The following TMBIM6 variants were observed in gnomAD, a reference collection of about 807,000 sequenced individuals.
TMBIM6 encodes bax inhibitor 1.
A neutral mutation model predicts 31.4 loss-of-function variants in TMBIM6; 13 were observed. The ratio of observed to expected loss-of-function variants is 0.41; its 90% CI spans 0.27 to 0.66. The LOEUF (loss-of-function observed/expected upper bound fraction) is 0.66, where lower values mean the gene tolerates loss of function less well. Ranked by LOEUF, TMBIM6 falls within the 30% of genes least tolerant of loss-of-function variation. The pLI, the probability that TMBIM6 is intolerant of heterozygous loss-of-function variation, is 0.28. For missense variants in TMBIM6, 275 were observed against 289.5 expected, an observed-to-expected ratio of 0.95 and a Z score of 0.36; for synonymous variants, 85 against 101.7, an observed-to-expected ratio of 0.84 and a Z score of 0.99.
chr12:49,759,211 C>G lies in TMBIM6; in HGVS notation c.514-10C>G. The G allele has an allele frequency of 6.2e-7, 1 of 1,612,112 alleles. No individual in the cohort carries two copies. Among genetic ancestry groups the G allele is most frequent in the East Asian group, 2.2e-5 (1 of 44,876 alleles). ...TGCTGTATAGTAACTTCATCTCTTA[C>G]ATTTGTTAGGCAAACCTGTATGTGG... On this transcript the variant is annotated splice_polypyrimidine_tract_variant and intron_variant, in intron 7 of 9. Transcript: ENST00000267115.
At chr12:49,743,874 A>G (rs1422727227) in intron 1 of TMBIM6, among the ~76,000 whole-genome samples, 1 of 149,602 alleles carries the variant, frequency 6.7e-6, no homozygotes, top group Non-Finnish European at 1.5e-5. Context: ...GGTCAAATCA[A>G]TACTAATGTT....
At chr12:49,759,922 C>A (rs1312583522) in intron 8 of TMBIM6, among the ~76,000 whole-genome samples, 1 of 151,606 alleles carries the variant, frequency 6.6e-6, no homozygotes, top group Non-Finnish European at 1.5e-5. Context: ...ACCATCCTGG[C>A]TAACACGGTG....
chr12:49,743,156 A>G (rs533158470), intron 1 of TMBIM6, among the ~76,000 whole-genome samples: 57 of 151,270 alleles, frequency 3.8e-4, no homozygotes, highest in African/African-American at 1.3e-3. Context: ...TAATTTTTGT[A>G]TTTTTTGTGG....
rs1305122744 is a variant in TMBIM6, at chr12:49,753,008, A to G, written c.92A>G (p.Tyr31Cys). The change falls in exon 3 of 10, where the codon TAT becomes TGT. Residue 31 changes from tyrosine to cysteine, a missense_variant. By Grantham distance (194) the Tyr-to-Cys change is radical (BLOSUM62 -2). Coordinates refer to ENST00000267115, the MANE Select transcript of TMBIM6 (RefSeq NM_003217.3). Reference protein sequence around the residue: ...PSTQQHLKKVYASFALCMFVA... With the variant: ...PSTQQHLKKVCASFALCMFVA... ...ACGCAGCAGCACCTGAAGAAGGTCT[A>G]TGCAAGTTTTGCCCTTTGTATGTTT... The G allele has an allele frequency of 1.2e-6, 2 of 1,614,110 alleles. No individual in the cohort carries two copies. Among genetic ancestry groups the G allele is most frequent in the South Asian group, 1.1e-5 (1 of 91,078 alleles).
chr12:49,746,026 G>T (rs1266964140), intron 1 of TMBIM6, among the ~76,000 whole-genome samples: 5 of 151,308 alleles, frequency 3.3e-5, no homozygotes, highest in African/African-American at 4.9e-5. Flanking sequence ...ACTTTTACCA[G>T]TAATGAGATT....
rs558485261 is a variant in TMBIM6, at chr12:49,755,668, T to C, written c.199T>C (p.Leu67=). The change falls in exon 4 of 10, where the codon TTG becomes CTG. Residue 67 remains leucine, a synonymous_variant. Coordinates refer to ENST00000267115, the MANE Select transcript of TMBIM6 (RefSeq NM_003217.3). ...GLLSALGSLI[L]MIWLMATPHS... ...GCTGTCTGCCTTGGGCTCCCTGATA[T>C]TGATGATTTGGCTGATGGCAACACC... The C allele has an allele frequency of 1.5e-5, 25 of 1,614,172 alleles. No homozygotes were observed. The highest frequency in any genetic ancestry group is 3.3e-5 in the Admixed American group (2 of 60,026).
chr12:49,761,956 G>T, intron 9 of TMBIM6, 177 bp downstream of exon 9: 1 of 579,956 alleles, frequency 1.7e-6, no homozygotes, highest in Admixed American at 3.6e-5. Flanking sequence ...AAAGCAGCAA[G>T]TGAAAAAAAA....
At chr12:49,744,790 T>G (rs1435678228) in intron 1 of TMBIM6, among the ~76,000 whole-genome samples, 1 of 152,316 alleles carries the variant, frequency 6.6e-6, no homozygotes, top group East Asian at 1.9e-4. Flanking sequence ...TCTTAATTTA[T>G]GTGTGCTCCC....
chr12:49,755,953 C>T (rs941969974), intron 4 of TMBIM6, among the ~76,000 whole-genome samples, 198 bp downstream of exon 4: 1 of 151,100 alleles, frequency 6.6e-6, no homozygotes, highest in African/African-American at 2.4e-5. Flanking sequence ...TCTGCTTTAG[C>T]CTCCCGTGTA....
intron 4 of TMBIM6, 162 bp from the exon 5 acceptor site, chr12:49,758,065 C>A: frequency 1.4e-6 from 1 of 734,972 alleles, no homozygotes; most frequent in Non-Finnish European, 2.3e-6. Flanking sequence ...GTCAGGTATA[C>A]ATTTTATTGA....
At chr12:49,750,120 C>A (rs1312989182) in intron 1 of TMBIM6, among the ~76,000 whole-genome samples, 1 of 152,108 alleles carries the variant, frequency 6.6e-6, no homozygotes, top group African/African-American at 2.4e-5. Flanking sequence ...TTGGTTTTTC[C>A]ATCAACAGTT....
Position 49,752,529 on chromosome 12 carries a change from G to T in TMBIM6, c.36G>T (p.Ala12=). ...TTGATCGAAAGATCAACTTTGATGCGCTTTTAAAATTTTCTCATATGTAAG... is the reference window on the plus strand; with the variant it reads ...TTGATCGAAAGATCAACTTTGATGCTCTTTTAAAATTTTCTCATATGTAAG... ...NIFDRKINFD[A]LLKFSHITPS... Residue 12 remains alanine (A), a synonymous_variant, in exon 2 of 10, where the codon GCG becomes GCT. Coordinates refer to ENST00000267115, the MANE Select transcript of TMBIM6 (RefSeq NM_003217.3). The T allele has an allele frequency of 6.2e-7, 1 of 1,613,490 alleles. No individual in the cohort carries two copies.
intron 4 of TMBIM6, among the ~76,000 whole-genome samples, chr12:49,756,749 T>G (rs1945605358): frequency 6.8e-6 from 1 of 148,132 alleles, no homozygotes; most frequent in African/African-American, 2.5e-5. Flanking sequence ...TTTGTTTTTT[T>G]TTTTGAGACT....
chr12:49,759,329 TG>T lies in TMBIM6; in HGVS notation c.614+11del. On this transcript the variant is annotated intron_variant, in intron 8 of 9. Transcript: ENST00000267115. ...AGATCAAGATTATATCTGGTGAGTGTGGGAACTAGTCTTTAACAAGCATGAA... is the reference window on the plus strand; with the variant it reads ...AGATCAAGATTATATCTGGTGAGTGTGGAACTAGTCTTTAACAAGCATGAA... 1.2e-6 allele frequency: 2 copies of T among 1,606,268 alleles called. No homozygotes were observed. Among genetic ancestry groups the T allele is most frequent in the Non-Finnish European group, 1.7e-6 (2 of 1,172,926 alleles).
At chr12:49,744,124 C>T (rs2136924823) in intron 1 of TMBIM6, among the ~76,000 whole-genome samples, 1 of 152,184 alleles carries the variant, frequency 6.6e-6, no homozygotes, top group South Asian at 2.1e-4. Flanking sequence ...CTAATCTTTC[C>T]CTTTCCTTGT....
At chr12:49,754,121 A>C (rs1945546081) in intron 3 of TMBIM6, among the ~76,000 whole-genome samples, 1 of 152,038 alleles carries the variant, frequency 6.6e-6, no homozygotes, top group Non-Finnish European at 1.5e-5. Flanking sequence ...ATTTAGTGCC[A>C]CTTCCTTTGT....
At chr12:49,758,098 A>C in intron 4 of TMBIM6, 129 bp from the exon 5 acceptor site, 5 of 935,422 alleles carry the variant, frequency 5.3e-6, no homozygotes, top group Non-Finnish European at 8.4e-6. Context: ...CGGAGGGGAG[A>C]GAGATTTAAT....
intron 4 of TMBIM6, 94 bp from the exon 5 acceptor site, chr12:49,758,133 C>A: frequency 7.4e-7 from 1 of 1,351,532 alleles, no homozygotes; most frequent in Non-Finnish European, 1.1e-6. Flanking sequence ...TTGTTAAGAG[C>A]ATGAGTATGC....
intron 3 of TMBIM6, 86 bp from the exon 4 acceptor site, chr12:49,755,548 CG>C: frequency 6.6e-7 from 1 of 1,514,034 alleles, no homozygotes; most frequent in South Asian, 1.2e-5. Flanking sequence ...GAAGTTCAGA[CG>C]AGTGTTTGAA....
Sources: allele counts gnomAD v4.1 joint callset (sites outside exome capture counted in the v4.1 genomes callset), GRCh38; gene constraint gnomAD v4.1.1; transcripts MANE v1.5; gene names NCBI Gene and HGNC (gene_info 2026-07-23, HGNC 2026-07-21).